ZFAND3: variants seen among roughly 807,000 people sequenced by gnomAD.
ZFAND3 encodes zinc finger AN1-type containing 3.
Under a neutral mutation model 29.6 loss-of-function variants are expected in ZFAND3, and 10 were observed. The observed-to-expected ratio is 0.34, with a 90% CI of 0.21 to 0.57. ZFAND3 has a LOEUF of 0.57. ZFAND3 is among the 20% of genes least tolerant of loss of function. ZFAND3 has a pLI of 0.86. For missense variants in ZFAND3, 230 were observed against 304.5 expected, an observed-to-expected ratio of 0.76 and a Z score of 1.82; for synonymous variants, 128 against 112.6, an observed-to-expected ratio of 1.14 and a Z score of -0.87.
chr6:38,042,153 T>A (rs1173035262), intron 2 of ZFAND3, among the ~76,000 whole-genome samples: 4 of 151,738 alleles, frequency 2.6e-5, no homozygotes, highest in Non-Finnish European at 5.9e-5. Flanking sequence ...CTTTTGTACT[T>A]GTTTTGTTTT....
At chr6:37,883,159 G>A (rs539280351) in intron 1 of ZFAND3, among the ~76,000 whole-genome samples, 1 of 152,270 alleles carries the variant, frequency 6.6e-6, no homozygotes, top group African/African-American at 2.4e-5. Flanking sequence ...GGAGTTTGAG[G>A]TTGCAGTGAA....
chr6:38,061,760 C>G lies in ZFAND3; in HGVS notation c.280C>G (p.Pro94Ala), dbSNP rs1382959195. Residue 94 changes from proline (P) to alanine (A), a missense_variant, in exon 3 of 6, where the codon CCG (proline) becomes GCG (alanine). This residue lies in a region of ZFAND3 where 180 missense variants were observed against 202.5 expected (regional missense o/e 0.89). Coordinates refer to ENST00000287218, the MANE Select transcript of ZFAND3 (RefSeq NM_021943.3). Reference sequence around the variant, plus strand: ...TCCGACAGAACTGAATGTAACTTCACCGAGTAAAGAGGAGTGTAAGTGTCT... The same window carrying G: ...TCCGACAGAACTGAATGTAACTTCAGCGAGTAAAGAGGAGTGTAAGTGTCT... ...PLPTELNVTS[P>A]SKEECGPCTD... The G allele has an allele frequency of 2.5e-6, 4 of 1,614,064 alleles. No homozygotes were observed. The highest frequency in any genetic ancestry group is 3.4e-6 in the Non-Finnish European group (4 of 1,180,010).
intron 2 of ZFAND3, among the ~76,000 whole-genome samples, chr6:37,967,777 C>T (rs1024884296): frequency 6.6e-6 from 1 of 152,122 alleles, no homozygotes. Flanking sequence ...TGCCAACCTC[C>T]CATCTTTGAC....
At chr6:38,082,142 G>GT (rs771690113) in intron 3 of ZFAND3, among the ~76,000 whole-genome samples, 211 of 145,426 alleles carry the variant, frequency 1.5e-3, no homozygotes, top group East Asian at 8.8e-3. Context: ...AGACTCGGCT[G>GT]TTTTTTTTTT....
At chr6:37,900,314 C>T (rs1351568071) in intron 1 of ZFAND3, among the ~76,000 whole-genome samples, 1 of 152,078 alleles carries the variant, frequency 6.6e-6, no homozygotes, top group Non-Finnish European at 1.5e-5. Flanking sequence ...AGTACTCTTT[C>T]AGTACTCTTG....
intron 1 of ZFAND3, among the ~76,000 whole-genome samples, chr6:37,853,919 C>G (rs1764328927): frequency 6.6e-6 from 1 of 152,006 alleles, no homozygotes; most frequent in South Asian, 2.1e-4. Flanking sequence ...AAAACTGAAA[C>G]ACATAAAAAT....
At chr6:38,086,793 A>G (rs140425179) in intron 4 of ZFAND3, among the ~76,000 whole-genome samples, 4 of 152,330 alleles carry the variant, frequency 2.6e-5, no homozygotes, top group African/African-American at 7.2e-5. Flanking sequence ...ATTCAATGCA[A>G]TCCCTATCAA....
At chr6:37,822,967 C>T (rs1041944780) in intron 1 of ZFAND3, among the ~76,000 whole-genome samples, 1 of 152,034 alleles carries the variant, frequency 6.6e-6, no homozygotes, top group Admixed American at 6.6e-5. Flanking sequence ...TGATCCAGGG[C>T]CCTCATAGCA....
chr6:38,141,082 G>T (rs935983525), intron 5 of ZFAND3, among the ~76,000 whole-genome samples: 5 of 150,070 alleles, frequency 3.3e-5, no homozygotes, highest in African/African-American at 1.2e-4. Context: ...GCAAAAGCAT[G>T]CTTGTACTTC....
rs1487265099 is a variant in ZFAND3 at position 38,049,889 on chromosome 6, C to T, written c.113-11704C>T. Among the ~76,000 whole-genome samples the T allele has an allele frequency of 2.4e-5, 3 of 126,588 alleles. No homozygotes were observed. The East Asian group carries it at 8.2e-4, about 35-fold the overall frequency. 83.0% of individuals were successfully genotyped at this position (126,588 alleles called of 152,430 possible). On this transcript the variant is annotated intron_variant, in intron 2 of 5. Transcript: ENST00000287218. Reference sequence around the variant, plus strand: ...CCTCGCTCCCCCACCCCCACCCCCACCCCCTCCCCCTCACACCCACCCCGT... The same window carrying T: ...CCTCGCTCCCCCACCCCCACCCCCATCCCCTCCCCCTCACACCCACCCCGT...
intron 1 of ZFAND3, among the ~76,000 whole-genome samples, chr6:37,870,456 G>T (rs1764674125): frequency 6.6e-6 from 1 of 151,808 alleles, no homozygotes; most frequent in Admixed American, 6.6e-5. Context: ...ACAAAAATTA[G>T]CCAGGCATGG....
At chr6:38,043,088 TAATA>T (rs1285733365) in intron 2 of ZFAND3, among the ~76,000 whole-genome samples, 6 of 152,196 alleles carry the variant, frequency 3.9e-5, no homozygotes, top group Admixed American at 6.5e-5. Context: ...TAAGTGTGCA[TAATA>T]AATATATATT....
intron 1 of ZFAND3, among the ~76,000 whole-genome samples, chr6:37,841,812 T>C (rs981367201): frequency 6.6e-6 from 1 of 152,182 alleles, no homozygotes; most frequent in Non-Finnish European, 1.5e-5. Flanking sequence ...ACAATTTATA[T>C]ACAGTGAAAA....
At chr6:38,139,322 G>A (rs1007084985) in intron 5 of ZFAND3, among the ~76,000 whole-genome samples, 2 of 152,106 alleles carry the variant, frequency 1.3e-5, no homozygotes, top group Admixed American at 6.5e-5. Context: ...GAGGATATGT[G>A]ATAAATTACA....
At chr6:37,839,019 T>A (rs1175264792) in intron 1 of ZFAND3, among the ~76,000 whole-genome samples, 11 of 152,222 alleles carry the variant, frequency 7.2e-5, no homozygotes, top group Non-Finnish European at 1.6e-4. Flanking sequence ...CCCTGTGGCA[T>A]CTCCATTGTG....
In ZFAND3 at chr6:38,154,115, G is replaced by A; in HGVS notation, c.*1726G>A. ...TCTTGCTCTAGGGCAACCCAGGGCAGAGGGGCCAGGTCTGCCCAGCGTTTA... is the reference window on the plus strand; with the variant it reads ...TCTTGCTCTAGGGCAACCCAGGGCAAAGGGGCCAGGTCTGCCCAGCGTTTA... On this transcript the variant is annotated 3_prime_UTR_variant, in exon 6 of 6. Coordinates refer to ENST00000287218, the MANE Select transcript of ZFAND3 (RefSeq NM_021943.3). 1 of 985,562 alleles carries A rather than the reference G, an allele frequency of 1.0e-6. No individual in the cohort carries two copies. The highest frequency in any genetic ancestry group is 1.2e-6 in the Non-Finnish European group (1 of 829,996). 61.1% of individuals were successfully genotyped at this position (985,562 alleles called of 1,614,324 possible).
intron 1 of ZFAND3, among the ~76,000 whole-genome samples, chr6:37,886,692 A>G (rs1765000902): frequency 6.6e-6 from 1 of 152,172 alleles, no homozygotes; most frequent in Non-Finnish European, 1.5e-5. Flanking sequence ...TTTGGATTTT[A>G]TAATTAAGAA....
At chr6:38,083,928 A>G (rs1198508891) in intron 4 of ZFAND3, among the ~76,000 whole-genome samples, 1 of 152,194 alleles carries the variant, frequency 6.6e-6, no homozygotes, top group East Asian at 1.9e-4. Context: ...GCCAGGTATT[A>G]TTCTGTATAT....
At position 37,985,499 on chromosome 6, in the gene ZFAND3, CCA is replaced by C. The variant is rs5875607; in HGVS notation, c.112+55528_112+55529del. On this transcript the variant is annotated intron_variant, in intron 2 of 5. Transcript: ENST00000287218. ...CGCCTGGTGGCACGTGCTTGTGGTT[CCA>C]CACACACACACACACACACACACAC... is the stretch of plus-strand genomic sequence containing the variant. 5.5e-3 allele frequency among the ~76,000 whole-genome samples: 785 copies of C among 141,690 alleles called. 5 individuals carry two copies. Among genetic ancestry groups the C allele is most frequent in the Non-Finnish European group, 6.9e-3 (452 of 65,748 alleles). 93.0% of individuals were successfully genotyped at this position (141,690 alleles called of 152,430 possible). A position where few individuals can be genotyped will look rare whatever the true frequency, so the allele number is the denominator to read the frequency against.
Sources: gnomAD v4.1 joint callset for allele counts (sites outside exome capture counted in the v4.1 genomes callset) on GRCh38, gnomAD v4.1.1 for gene constraint, gnomAD v4.1.1 regional missense constraint, MANE v1.5 for transcripts, NCBI Gene and HGNC (gene_info 2026-07-23, HGNC 2026-07-21) for gene names.